Variants in BAZ1A observed in about 807,000 individuals in gnomAD.
The protein encoded by BAZ1A is bromodomain adjacent to zinc finger domain 1A.
Under a neutral mutation model 185.2 loss-of-function variants are expected in BAZ1A, and 50 were observed. That is an observed-to-expected ratio of 0.27 (90% CI 0.22 to 0.34). The LOEUF (loss-of-function observed/expected upper bound fraction) is 0.34, where lower values mean the gene tolerates loss of function less well. Ranked by LOEUF, BAZ1A falls within the 10% of genes least tolerant of loss-of-function variation. The probability of loss-of-function intolerance (pLI) is 1.00; values close to 1 mark genes in which losing one functional copy is unlikely to be tolerated. For synonymous variants in BAZ1A, 571 were observed against 615.6 expected, an observed-to-expected ratio of 0.93 and a Z score of 1.07; for missense variants, 1,356 against 1,839.9, an observed-to-expected ratio of 0.74 and a Z score of 4.81.
Position 34,753,646 on chromosome 14 carries a change from A to T in BAZ1A, c.4533T>A (p.Arg1511=). ...TTCCAGCTTTTGCTTCACTTGTGTT[A>T]CGAGGGTTGTATTCAAAGCAGTTCG... The part of the protein sequence containing the change: ...MFSNCFEYNP[R]NTSEAKAGTR... The change falls in exon 27 of 27, where the codon CGT becomes CGA. Residue 1511 remains arginine (R), a synonymous_variant. Transcript: ENST00000360310. 3 of 1,613,764 alleles carry T rather than the reference A, an allele frequency of 1.9e-6. No homozygotes were observed. Among genetic ancestry groups the T allele is most frequent in the Non-Finnish European group, 2.5e-6 (3 of 1,179,654 alleles).
At chr14:34,788,662 AT>A (rs200241355) in intron 12 of BAZ1A, among the ~76,000 whole-genome samples, 5 of 151,554 alleles carry the variant, frequency 3.3e-5, no homozygotes, top group African/African-American at 1.2e-4. Flanking sequence ...AAAAAAAAAA[AT>A]TTTTTTTCTT....
At chr14:34,862,980 C>T (rs1269929342) in intron 2 of BAZ1A, among the ~76,000 whole-genome samples, 1 of 138,268 alleles carries the variant, frequency 7.2e-6, no homozygotes, top group Admixed American at 7.5e-5. Flanking sequence ...AAACTCTATC[C>T]ACTCTCTCTT....
chr14:34,774,279 T>A (rs754952924), intron 19 of BAZ1A, 48 bp downstream of exon 19: 2 of 1,527,810 alleles, frequency 1.3e-6, no homozygotes, highest in Non-Finnish European at 1.8e-6. Context: ...TGACCAAAAT[T>A]CTGGACCAAG....
At chr14:34,867,457 AG>A (rs2042879200) in intron 2 of BAZ1A, among the ~76,000 whole-genome samples, 1 of 96,208 alleles carries the variant, frequency 1.0e-5, no homozygotes, top group Non-Finnish European at 2.7e-5. Context: ...ATGCCATGGC[AG>A]GGGGACAGCT....
chr14:34,804,734 G>A (rs1881762318), intron 6 of BAZ1A, among the ~76,000 whole-genome samples: 1 of 152,188 alleles, frequency 6.6e-6, no homozygotes, highest in South Asian at 2.1e-4. Flanking sequence ...AAGCACATGG[G>A]TGGTTTCTTC....
At chr14:34,860,402 G>A (rs1192108576) in intron 3 of BAZ1A, among the ~76,000 whole-genome samples, 1 of 151,878 alleles carries the variant, frequency 6.6e-6, no homozygotes, top group Admixed American at 6.6e-5. Flanking sequence ...CAGCTACTCA[G>A]GAGGCTGAGG....
At chr14:34,823,800 G>T (rs1326987656) in intron 4 of BAZ1A, among the ~76,000 whole-genome samples, 2 of 151,870 alleles carry the variant, frequency 1.3e-5, no homozygotes, top group Non-Finnish European at 2.9e-5. Flanking sequence ...ATTTTCAAGA[G>T]GCATTCCAAT....
rs750089959 is a variant in BAZ1A at position 34,826,030 on chromosome 14, G to C, written c.519C>G (p.Ser173Arg). 2.5e-6 allele frequency: 4 copies of C among 1,578,214 alleles called. No individual in the cohort carries two copies. Among genetic ancestry groups the C allele is most frequent in the South Asian group, 1.2e-5 (1 of 85,338 alleles). ...ISDSDDSETQ[S>R]CSFQNGKKKD... ...TCACTTACCCATTTTGAAAAGAACA[G>C]CTTTGTGTTTCTGAATCATCACTAT... Residue 173 changes from serine (S) to arginine (R), a missense_variant, in exon 4 of 27, where the codon AGC (serine) becomes AGG (arginine). Transcript: ENST00000360310.
intron 25 of BAZ1A, among the ~76,000 whole-genome samples, chr14:34,758,187 T>A (rs938372123): frequency 1.9e-4 from 29 of 149,860 alleles, no homozygotes; most frequent in African/African-American, 6.7e-4. Flanking sequence ...AGTGGCTAAG[T>A]TGGAGGATCA....
At chr14:34,846,239 C>T (rs2042509976) in intron 3 of BAZ1A, among the ~76,000 whole-genome samples, 1 of 152,172 alleles carries the variant, frequency 6.6e-6, no homozygotes, top group Non-Finnish European at 1.5e-5. Flanking sequence ...AGTTTACTTG[C>T]CACTCCCCAT....
At chr14:34,867,132 G>A (rs372646106) in intron 2 of BAZ1A, among the ~76,000 whole-genome samples, 32 of 152,114 alleles carry the variant, frequency 2.1e-4, no homozygotes, top group African/African-American at 3.1e-4. Flanking sequence ...GGTGGCACGC[G>A]CCTGTAGTCC....
At chr14:34,758,181 G>A (rs1485110295) in intron 25 of BAZ1A, among the ~76,000 whole-genome samples, 1 of 151,694 alleles carries the variant, frequency 6.6e-6, no homozygotes, top group African/African-American at 2.4e-5. Context: ...TACTCAAGTG[G>A]CTAAGTTGGA....
chr14:34,784,336 C>T (rs1173960712), intron 14 of BAZ1A, among the ~76,000 whole-genome samples: 2 of 125,024 alleles, frequency 1.6e-5, no homozygotes, highest in Non-Finnish European at 3.1e-5. Context: ...CCACTGCACT[C>T]CAACCTGGGC....
At chr14:34,827,628 G>A (rs571523602) in intron 3 of BAZ1A, among the ~76,000 whole-genome samples, 3 of 151,784 alleles carry the variant, frequency 2.0e-5, no homozygotes, top group South Asian at 2.1e-4. Flanking sequence ...CCAGCTACTC[G>A]GGAGGCTGGG....
chr14:34,811,132 T>C (rs1381972909), intron 4 of BAZ1A, 96 bp from the exon 5 acceptor site: 2 of 875,522 alleles, frequency 2.3e-6, no homozygotes, highest in Non-Finnish European at 3.4e-6. Flanking sequence ...TATAATAAAA[T>C]CACATATTTC....
chr14:34,784,918 A>G (rs1293612360), intron 14 of BAZ1A, among the ~76,000 whole-genome samples: 1 of 151,856 alleles, frequency 6.6e-6, no homozygotes, highest in Non-Finnish European at 1.5e-5. Flanking sequence ...GTACAGTGGC[A>G]CCATCTGGGC....
In BAZ1A at chr14:34,812,126, C is replaced by G. The variant is rs557512741; in HGVS notation, c.537-1090G>C. ...GAAGTGATAAGTGCTATGAAGAGAA[C>G]AGAGTGCAGGGTGGGGGAGCCATTA... On this transcript the variant is annotated intron_variant, in intron 4 of 26. Coordinates refer to ENST00000360310, the MANE Select transcript of BAZ1A (RefSeq NM_013448.3). 4.0e-5 allele frequency among the ~76,000 whole-genome samples: 6 copies of G among 151,444 alleles called. 1 individual carries two copies. In the South Asian group the frequency reaches 1.3e-3, roughly 32 times the overall value.
chr14:34,853,653 G>A (rs951412447), intron 3 of BAZ1A, among the ~76,000 whole-genome samples: 1 of 152,166 alleles, frequency 6.6e-6, no homozygotes, highest in African/African-American at 2.4e-5. Flanking sequence ...CAGGCGTGGT[G>A]GCACACGCCT....
At chr14:34,868,916 G>A (rs371862060) in intron 2 of BAZ1A, among the ~76,000 whole-genome samples, 48 of 150,590 alleles carry the variant, frequency 3.2e-4, no homozygotes, top group African/African-American at 4.1e-4. Flanking sequence ...GTGTGTGTGT[G>A]TGTGTGTGTG....
Sources: allele counts gnomAD v4.1 joint callset (sites outside exome capture counted in the v4.1 genomes callset), GRCh38; gene constraint gnomAD v4.1.1; transcripts MANE v1.5; gene names NCBI Gene and HGNC (gene_info 2026-07-23, HGNC 2026-07-21).